The following PAXBP1 variants were observed in gnomAD, a reference collection of about 807,000 sequenced individuals.
PAXBP1 encodes the protein PAX3 and PAX7 binding protein 1.
In PAXBP1, 44 loss-of-function variants were observed where a neutral mutation model predicts 119.9. The ratio of observed to expected loss-of-function variants is 0.37; its 90% confidence interval spans 0.29 to 0.47. The LOEUF (loss-of-function observed/expected upper bound fraction) is 0.47. PAXBP1 is among the 20% of genes least tolerant of loss of function. The pLI is 0.99. For missense variants in PAXBP1, 898 were observed against 1,134.1 expected (o/e 0.79, Z 2.99); for synonymous variants, 393 against 406.6 (o/e 0.97, Z 0.40).
intron 16 of PAXBP1, 67 bp from the exon 17 acceptor site, chr21:32,737,475 T>C (rs2043709477): frequency 1.5e-6 from 2 of 1,354,508 alleles, no homozygotes; most frequent in Non-Finnish European, 2.0e-6. Flanking sequence ...AAAAGCAAAG[T>C]CTAGTTAATG....
chr21:32,758,711 T>A (rs1241749171), intron 7 of PAXBP1, among the ~76,000 whole-genome samples: 6 of 150,622 alleles, frequency 4.0e-5, no homozygotes, highest in African/African-American at 1.5e-4. Flanking sequence ...GAATTGCTTG[T>A]AGAAACGTTT....
At chr21:32,764,655 T>C in intron 2 of PAXBP1, 131 bp from the exon 3 acceptor site, 1 of 622,894 alleles carries the variant, frequency 1.6e-6, no homozygotes, top group Non-Finnish European at 2.7e-6. Context: ...AATTATGGGC[T>C]CAATCCAGTA....
At chr21:32,756,957 A>T (rs2044053312) in intron 7 of PAXBP1, among the ~76,000 whole-genome samples, 1 of 152,152 alleles carries the variant, frequency 6.6e-6, no homozygotes, top group Non-Finnish European at 1.5e-5. Context: ...GATTTATCTC[A>T]AGAGTCTGCA....
chr21:32,736,100 AT>A (rs1188148812), intron 17 of PAXBP1, among the ~76,000 whole-genome samples: 2 of 152,258 alleles, frequency 1.3e-5, no homozygotes, highest in African/African-American at 2.4e-5. Flanking sequence ...AGAGAAAAAA[AT>A]ATTAGTGCCA....
In PAXBP1 at chr21:32,771,713, G is replaced by A. The variant is rs1206532791; in HGVS notation, c.-45C>T. The stretch of plus-strand genomic sequence containing the variant: ...GTCGAATACTCGCTTCCACACCGCG[G>A]CCCCGGCAGCGCCGAGCTCGTGACG... On this transcript the variant is annotated 5_prime_UTR_variant, in exon 1 of 18. Transcript: ENST00000331923. 16 of 1,336,984 alleles carry A rather than the reference G, an allele frequency of 1.2e-5. No homozygotes were observed. The highest frequency in any genetic ancestry group is 3.1e-5 in the East Asian group (1 of 32,188). The allele number at this position is 1,336,984 out of a possible 1,614,324, so 82.8% of individuals were successfully genotyped here.
chr21:32,771,429 G>C lies in PAXBP1; in HGVS notation c.240C>G (p.Pro80=). The C allele has an allele frequency of 1.3e-6, 2 of 1,531,122 alleles. No individual in the cohort carries two copies. Among genetic ancestry groups the C allele is most frequent in the South Asian group, 1.2e-5 (1 of 84,590 alleles). The allele number at this position is 1,531,122 out of a possible 1,614,324, so 94.8% of individuals were successfully genotyped here. ...GLGAEAGGGF[P]GGAEPGNGLK... ...GCCCGTTGCCGGGCTCCGCGCCGCC[G>C]GGGAAGCCGCCCCCGGCCTCAGCCC... The change falls in exon 1 of 18, where the codon CCC becomes CCG. Residue 80 remains proline, a synonymous_variant. Transcript: ENST00000331923.
In PAXBP1 at chr21:32,737,276, C is replaced by T. The variant is rs1306504535; in HGVS notation, c.2614G>A (p.Asp872Asn). ...TIYRNSIGCS[D>N]VEKRNARENI... is the part of the protein sequence containing the mutation. Reference sequence around the variant, plus strand: ...TACCTTGCATTTCTTTTTTCCACATCAGAACACCCGATACTATTTCTATAA... The same window carrying T: ...TACCTTGCATTTCTTTTTTCCACATTAGAACACCCGATACTATTTCTATAA... Residue 872 changes from aspartate to asparagine, a missense_variant, in exon 17 of 18, where the codon GAT becomes AAT. This residue lies in a region of PAXBP1 where 599 missense variants were observed against 852.7 expected (regional missense o/e 0.70). Coordinates refer to ENST00000331923, the MANE Select transcript of PAXBP1 (RefSeq NM_016631.4). 1 of 1,545,580 alleles carries T rather than the reference C, an allele frequency of 6.5e-7. No individual in the cohort carries two copies. Among genetic ancestry groups the T allele is most frequent in the Non-Finnish European group, 8.7e-7 (1 of 1,144,270 alleles).
chr21:32,771,734 T>C lies in PAXBP1; in HGVS notation c.-66A>G. The C allele has an allele frequency of 7.9e-7, 1 of 1,272,980 alleles. No homozygotes were observed. Among genetic ancestry groups the C allele is most frequent in the Non-Finnish European group, 1.0e-6 (1 of 994,134 alleles). 78.9% of individuals were successfully genotyped at this position (1,272,980 alleles called of 1,614,324 possible). A position where few individuals can be genotyped will look rare whatever the true frequency, so the allele number is the denominator to read the frequency against. On this transcript the variant is annotated 5_prime_UTR_variant, in exon 1 of 18. Transcript: ENST00000331923. ...CGCGGCCCCGGCAGCGCCGAGCTCG[T>C]GACGGCGCACGCGCGCTCTCCGGAG... is the stretch of plus-strand genomic sequence containing the variant.
In PAXBP1 at chr21:32,759,788, C is replaced by G; in HGVS notation, c.1182G>C (p.Gln394His). Residue 394 changes from glutamine (Q) to histidine (H), a missense_variant, in exon 6 of 18, where the codon CAG (glutamine) becomes CAC (histidine). This residue lies in a region of PAXBP1 where 599 missense variants were observed against 852.7 expected (regional missense o/e 0.70). Transcript: ENST00000331923. ...TTGATCTGCCCTACCTGTCTTTAAG[C>G]TGTTTCTTTACCAAATCAATAGTAA... The part of the protein sequence containing the change: ...TPVTIDLVKK[Q>H]LKDRLDSMKE... 6.2e-7 allele frequency: 1 copy of G among 1,613,252 alleles called. No individual in the cohort carries two copies. Among genetic ancestry groups the G allele is most frequent in the Non-Finnish European group, 8.5e-7 (1 of 1,179,236 alleles).
rs1367915695 is a variant in PAXBP1 at position 32,734,053 on chromosome 21, G to A, written c.*897C>T. ...CAAGTTCTCTGAATATTTACAATGT[G>A]GTATAAACATTATAGAAGACCATGG... On this transcript the variant is annotated 3_prime_UTR_variant, in exon 18 of 18. Transcript: ENST00000331923. 6 of 152,532 alleles carry A rather than the reference G, an allele frequency of 3.9e-5. No homozygotes were observed. The highest frequency in any genetic ancestry group is 7.3e-5 in the Non-Finnish European group (5 of 68,032). The allele number at this position is 152,532 out of a possible 1,614,324, so 9.4% of individuals were successfully genotyped here.
In PAXBP1 at chr21:32,750,903, A is replaced by G. The variant is rs1322355295; in HGVS notation, c.1723+14T>C. 3.2e-6 allele frequency: 5 copies of G among 1,585,572 alleles called. No homozygotes were observed. The highest frequency in any genetic ancestry group is 4.3e-6 in the Non-Finnish European group (5 of 1,159,358). On this transcript the variant is annotated intron_variant, in intron 10 of 17. Coordinates refer to ENST00000331923, the MANE Select transcript of PAXBP1 (RefSeq NM_016631.4). ...AAACTGATGATGAGTCTTATTTCCA[A>G]ATAAATGTCTAACCTTTTTCCAGAT...
intron 1 of PAXBP1, 123 bp from the exon 2 acceptor site, chr21:32,770,065 T>C (rs900852757): frequency 6.0e-6 from 4 of 666,896 alleles, no homozygotes; most frequent in Admixed American, 4.0e-5. Flanking sequence ...GCCAAAATCA[T>C]TGTATAATTA....
At chr21:32,749,652 A>C (rs1192456128) in intron 10 of PAXBP1, among the ~76,000 whole-genome samples, 3 of 152,190 alleles carry the variant, frequency 2.0e-5, no homozygotes, top group Non-Finnish European at 4.4e-5. Context: ...AGCAGTATGA[A>C]ACAGCATCCT....
At chr21:32,771,231 C>A in intron 1 of PAXBP1, 95 bp downstream of exon 1, 1 of 1,183,314 alleles carries the variant, frequency 8.5e-7, no homozygotes, top group Non-Finnish European at 1.1e-6. Flanking sequence ...CGTTCCAGGG[C>A]TCCGGGGCTG....
chr21:32,757,651 T>C (rs948528884), intron 7 of PAXBP1, among the ~76,000 whole-genome samples: 6 of 152,234 alleles, frequency 3.9e-5, no homozygotes, highest in African/African-American at 1.4e-4. Flanking sequence ...TTTGCAATTA[T>C]GAATGTCTTA....
intron 1 of PAXBP1, among the ~76,000 whole-genome samples, chr21:32,771,096 C>A (rs1341990748): frequency 6.6e-6 from 1 of 152,252 alleles, no homozygotes; most frequent in African/African-American, 2.4e-5. Flanking sequence ...CTGATCTGAG[C>A]TCCGGCCCCG....
intron 5 of PAXBP1, among the ~76,000 whole-genome samples, 153 bp downstream of exon 5, chr21:32,760,906 T>C (rs112340344): frequency 2.8e-4 from 40 of 142,312 alleles, no homozygotes; most frequent in Middle Eastern, 7.4e-3. Flanking sequence ...TGCGTGCGTG[T>C]GTGTGTGTGT....
rs2044346854 is a variant in PAXBP1, at chr21:32,771,410, T to C, written c.259A>G (p.Asn87Asp). 5 of 1,545,944 alleles carry C rather than the reference T, an allele frequency of 3.2e-6. No individual in the cohort carries two copies. The highest frequency in any genetic ancestry group is 4.3e-6 in the Non-Finnish European group (5 of 1,155,800). ...GGFPGGAEPG[N>D]GLKPRKRPRE... ...GGCCTCTTGCGCGGCTTCAGCCCGT[T>C]GCCGGGCTCCGCGCCGCCGGGGAAG... is the stretch of plus-strand genomic sequence containing the variant. Residue 87 changes from asparagine (N) to aspartate (D), a missense_variant, in exon 1 of 18, where the codon AAC (asparagine) becomes GAC (aspartate). Asn to Asp is a conservative substitution (Grantham distance 23). Transcript: ENST00000331923.
chr21:32,771,213 G>C lies in PAXBP1; in HGVS notation c.343+113C>G, dbSNP rs929564984. On this transcript the variant is annotated intron_variant, in intron 1 of 17. Transcript: ENST00000331923. ...AAGATTCGCAGCCGGTCGGACGGCA[G>C]GGGACTCCGTTCCAGGGCTCCGGGG... is the stretch of plus-strand genomic sequence containing the variant. The C allele has an allele frequency of 4.9e-6, 5 of 1,023,046 alleles. No homozygotes were observed. In the South Asian group the frequency reaches 9.4e-5, roughly 19 times the overall value. The allele number at this position is 1,023,046 out of a possible 1,614,324, so 63.4% of individuals were successfully genotyped here.
Sources: gnomAD v4.1 joint callset for allele counts (sites outside exome capture counted in the v4.1 genomes callset) on GRCh38, gnomAD v4.1.1 for gene constraint, gnomAD v4.1.1 regional missense constraint, MANE v1.5 for transcripts, NCBI Gene and HGNC (gene_info 2026-07-23, HGNC 2026-07-21) for gene names.